The following SCLT1 variants were observed in gnomAD, a reference collection of about 807,000 sequenced individuals.
SCLT1 encodes sodium channel and clathrin linker 1.
In SCLT1, 78 loss-of-function variants were observed where a neutral mutation model predicts 112.8. The ratio of observed to expected loss-of-function variants is 0.69; its 90% CI spans 0.58 to 0.83. The LOEUF (loss-of-function observed/expected upper bound fraction) is 0.83. SCLT1 is among the 40% of genes least tolerant of loss of function. The pLI, the probability that SCLT1 is intolerant of heterozygous loss-of-function variation, is 0.00. For synonymous variants in SCLT1, 257 were observed against 254.7 expected, an observed-to-expected ratio of 1.01 and a Z score of -0.09; for missense variants, 747 against 770.4, an observed-to-expected ratio of 0.97 and a Z score of 0.36.
At chr4:128,920,517 C>A (rs189166084) in intron 18 of SCLT1, among the ~76,000 whole-genome samples, 1 of 152,340 alleles carries the variant, frequency 6.6e-6, no homozygotes, top group East Asian at 1.9e-4. Context: ...GTCTTGAAGT[C>A]CTAGCCTCAA....
chr4:129,054,660 T>A (rs927372898), intron 2 of SCLT1, among the ~76,000 whole-genome samples: 6 of 152,130 alleles, frequency 3.9e-5, no homozygotes, highest in Non-Finnish European at 7.4e-5. Context: ...GTAACCTTTT[T>A]ATGAAGGTTC....
rs868431808 is a variant in SCLT1 at position 128,949,794 on chromosome 4, G to T, written c.1219-1224C>A. 6.0e-5 allele frequency among the ~76,000 whole-genome samples: 9 copies of T among 150,086 alleles called. 1 individual carries two copies. The South Asian group carries it at 1.3e-3, about 21-fold the overall frequency. On this transcript the variant is annotated intron_variant, in intron 14 of 20. Coordinates refer to ENST00000281142, the MANE Select transcript of SCLT1 (RefSeq NM_144643.4). ...CAGTCTATCATTGTTGGACATTTGG[G>T]TTGGTTCCAAGTCTTTGCTATTGTG... is the stretch of plus-strand genomic sequence containing the variant.
At position 128,884,409 on chromosome 4, in the gene SCLT1, A is replaced by G. The variant is rs150833133; in HGVS notation, c.*68T>C. 2.2e-6 allele frequency: 2 copies of G among 917,350 alleles called. No homozygotes were observed. The highest frequency in any genetic ancestry group is 3.6e-6 in the Non-Finnish European group (2 of 557,042). The allele number at this position is 917,350 out of a possible 1,614,324, so 56.8% of individuals were successfully genotyped here. A position where few individuals can be genotyped will look rare whatever the true frequency, so the allele number is the denominator to read the frequency against. On this transcript the variant is annotated 3_prime_UTR_variant, in exon 21 of 21. Transcript: ENST00000281142. ...ACTATTATACTTTGCAGGCTTTACC[A>G]TTTCAATACACTTCTAGTCCAACTG...
intron 1 of SCLT1, among the ~76,000 whole-genome samples, chr4:129,085,842 C>T (rs935290309): frequency 6.6e-5 from 10 of 151,998 alleles, no homozygotes; most frequent in South Asian, 2.1e-4. Context: ...CCAACACACA[C>T]GGTGGCCTAT....
chr4:128,922,280 C>G (rs984272673), intron 18 of SCLT1, among the ~76,000 whole-genome samples: 2 of 152,104 alleles, frequency 1.3e-5, no homozygotes, highest in African/African-American at 4.8e-5. Context: ...ACCATTCAAC[C>G]CAGCATTCCC....
chr4:129,023,521 A>C (rs113036911), intron 5 of SCLT1, among the ~76,000 whole-genome samples: 6,633 of 152,350 alleles, frequency 0.044, 228 homozygotes, highest in Non-Finnish European at 0.07. Flanking sequence ...AACAGACTTT[A>C]AACCAACAGA....
intron 1 of SCLT1, among the ~76,000 whole-genome samples, chr4:129,092,845 A>C (rs1483278235): frequency 6.6e-6 from 1 of 152,236 alleles, no homozygotes; most frequent in South Asian, 2.1e-4. Flanking sequence ...AAACATGTTT[A>C]GCGTCTAGTA....
At chr4:129,034,433 A>T (rs1393891101) in intron 5 of SCLT1, among the ~76,000 whole-genome samples, 1 of 151,728 alleles carries the variant, frequency 6.6e-6, no homozygotes, top group Non-Finnish European at 1.5e-5. Flanking sequence ...CTAAAAAAAT[A>T]AATATCAGGC....
chr4:128,997,908 T>C lies in SCLT1; in HGVS notation c.581A>G (p.Lys194Arg). 1.3e-6 allele frequency: 2 copies of C among 1,516,706 alleles called. No individual in the cohort carries two copies. The highest frequency in any genetic ancestry group is 1.8e-6 in the Non-Finnish European group (2 of 1,126,752). 94.0% of individuals were successfully genotyped at this position (1,516,706 alleles called of 1,614,324 possible). A position where few individuals can be genotyped will look rare whatever the true frequency, so the allele number is the denominator to read the frequency against. ...GTTCTCATTAGTAACATGAAGTTGT[T>C]TGGTCAGTTGTTGAAAATCAAATAG... Reference protein sequence around the residue: ...DQLFDFQQLTKQLHVTNENME... With the variant: ...DQLFDFQQLTRQLHVTNENME... The change falls in exon 8 of 21, where the codon AAA (lysine) becomes AGA (arginine). Residue 194 changes from lysine to arginine, a missense_variant. Coordinates refer to ENST00000281142, the MANE Select transcript of SCLT1 (RefSeq NM_144643.4).
At chr4:129,078,300 T>C (rs1174208662) in intron 2 of SCLT1, among the ~76,000 whole-genome samples, 1 of 152,192 alleles carries the variant, frequency 6.6e-6, no homozygotes, top group Non-Finnish European at 1.5e-5. Context: ...ATGCTATCTG[T>C]TAAAAACATC....
At chr4:128,955,550 AT>A (rs1473715961) in intron 13 of SCLT1, among the ~76,000 whole-genome samples, 7 of 152,126 alleles carry the variant, frequency 4.6e-5, no homozygotes, top group African/African-American at 1.7e-4. Flanking sequence ...TATTCATTAT[AT>A]TTACTTTAGT....
At chr4:129,068,053 T>C (rs989966751) in intron 2 of SCLT1, among the ~76,000 whole-genome samples, 3 of 152,174 alleles carry the variant, frequency 2.0e-5, no homozygotes, top group African/African-American at 7.2e-5. Flanking sequence ...TACATCTTCA[T>C]AGCTTAGCTT....
intron 9 of SCLT1, among the ~76,000 whole-genome samples, chr4:128,973,805 T>C (rs1740914083): frequency 6.6e-6 from 1 of 152,164 alleles, no homozygotes; most frequent in Non-Finnish European, 1.5e-5. Context: ...AAACCACAAA[T>C]ACTATTTTTT....
chr4:129,032,920 T>C (rs1282695369), intron 5 of SCLT1, among the ~76,000 whole-genome samples: 2 of 152,170 alleles, frequency 1.3e-5, no homozygotes, highest in Non-Finnish European at 2.9e-5. Flanking sequence ...TGGAAGACAG[T>C]GTGGCAATTC....
chr4:128,933,061 AAT>A (rs1736899329), intron 18 of SCLT1, among the ~76,000 whole-genome samples: 1 of 152,164 alleles, frequency 6.6e-6, no homozygotes, highest in African/African-American at 2.4e-5. Flanking sequence ...TGCCTATCAA[AAT>A]TCCAATGACA....
In SCLT1 at chr4:128,936,768, A is replaced by T; in HGVS notation, c.1716T>A (p.Asn572Lys). The T allele has an allele frequency of 6.2e-7, 1 of 1,610,406 alleles. No homozygotes were observed. Among genetic ancestry groups the T allele is most frequent in the Non-Finnish European group, 8.5e-7 (1 of 1,176,940 alleles). ...GGAGATGCCTCAGTTCAACAATGGA[A>T]TTTCTATTACTGTCTTCCATCTCTC... The part of the protein sequence containing the change: ...QLREMEDSNR[N>K]SIVELRHLLA... Residue 572 changes from asparagine (N) to lysine (K), a missense_variant, in exon 18 of 21, where the codon AAT (asparagine) becomes AAA (lysine). Physicochemically the swap from Asn to Lys is moderately conservative, Grantham distance 94. Coordinates refer to ENST00000281142, the MANE Select transcript of SCLT1 (RefSeq NM_144643.4).
At chr4:128,894,107 TTTTTTTGTA>T (rs1317428381) in intron 18 of SCLT1, among the ~76,000 whole-genome samples, 11 of 151,876 alleles carry the variant, frequency 7.2e-5, no homozygotes, top group African/African-American at 2.7e-4. Context: ...GCCCGGCTAG[TTTTTTTGTA>T]TTTTTTGTAG....
At chr4:128,967,609 G>T (rs118163256) in intron 10 of SCLT1, among the ~76,000 whole-genome samples, 1 of 152,170 alleles carries the variant, frequency 6.6e-6, no homozygotes, top group Non-Finnish European at 1.5e-5. Context: ...AACTCATAGT[G>T]TTGAGCATTT....
At chr4:128,916,022 G>C (rs1735445829) in intron 18 of SCLT1, among the ~76,000 whole-genome samples, 1 of 152,242 alleles carries the variant, frequency 6.6e-6, no homozygotes, top group East Asian at 1.9e-4. Flanking sequence ...TGGTCACTCA[G>C]TTGTCATATA....
Sources: allele counts gnomAD v4.1 joint callset (sites outside exome capture counted in the v4.1 genomes callset), GRCh38; gene constraint gnomAD v4.1.1; transcripts MANE v1.5; gene names NCBI Gene and HGNC (gene_info 2026-07-23, HGNC 2026-07-21).